The following NRG4 variants were observed in gnomAD, a reference collection of about 807,000 sequenced individuals.
The protein encoded by NRG4 is pro-neuregulin-4, membrane-bound isoform.
NRG4 carries 10 observed loss-of-function variants against 15.0 expected under a neutral mutation model. The ratio of observed to expected loss-of-function variants is 0.67; its 90% CI spans 0.41 to 1.13. NRG4 has a LOEUF of 1.13. Ranked by LOEUF, NRG4 falls within the 50% of genes most tolerant of loss-of-function variation. The pLI is 0.00. For missense variants in NRG4, 139 were observed against 140.2 expected (o/e 0.99, Z 0.04); for synonymous variants, 41 against 50.1 (o/e 0.82, Z 0.77).
rs1016165638 is a variant in NRG4 at position 75,984,110 on chromosome 15, T to C, written c.105-22136A>G. On this transcript the variant is annotated intron_variant, in intron 3 of 5. Coordinates refer to ENST00000394907, the MANE Select transcript of NRG4 (RefSeq NM_138573.4). Reference sequence around the variant, plus strand: ...AGCGAAAATACCTGGTATGATAGTATAATGGTGGATACATGTCATTACATT... The same window carrying C: ...AGCGAAAATACCTGGTATGATAGTACAATGGTGGATACATGTCATTACATT... 2.0e-5 allele frequency among the ~76,000 whole-genome samples: 3 copies of C among 152,186 alleles called. 1 individual carries two copies. The highest frequency in any genetic ancestry group is 2.0e-4 in the Admixed American group (3 of 15,280).
At chr15:75,993,443 T>TGTGTGGC (rs1045427902) in intron 3 of NRG4, among the ~76,000 whole-genome samples, 1 of 145,356 alleles carries the variant, frequency 6.9e-6, no homozygotes, top group African/African-American at 2.6e-5. Context: ...ACGAATTACA[T>TGTGTGGC]GTGTGGCTCA....
At chr15:76,057,571 A>C (rs2036182179) in intron 1 of NRG4, among the ~76,000 whole-genome samples, 1 of 152,144 alleles carries the variant, frequency 6.6e-6, no homozygotes, top group Non-Finnish European at 1.5e-5. Context: ...ACCCTAAAAA[A>C]TTTATCGAAG....
intron 3 of NRG4, among the ~76,000 whole-genome samples, chr15:75,967,393 GATC>G (rs1328736361): frequency 2.0e-5 from 3 of 150,434 alleles, no homozygotes; most frequent in Non-Finnish European, 2.9e-5. Context: ...ATTAAAAACT[GATC>G]ATTATTAGTA....
At chr15:76,023,291 G>A (rs534088666) in intron 5 of NRG4, among the ~76,000 whole-genome samples, 1 of 91,906 alleles carries the variant, frequency 1.1e-5, no homozygotes, top group Non-Finnish European at 3.1e-5. Flanking sequence ...GTGATTGGAA[G>A]CCCAGAAGGT....
chr15:76,050,402 C>G lies in NRG4; in HGVS notation c.-105+1665G>C, dbSNP rs538717622. Among the ~76,000 whole-genome samples the G allele has an allele frequency of 8.7e-4, 126 of 144,832 alleles. 1 individual carries two copies. The highest frequency in any genetic ancestry group is 1.1e-3 in the Non-Finnish European group (75 of 66,790). On this transcript the variant is annotated intron_variant, in intron 4 of 8. Coordinates refer to the NRG4 transcript ENST00000563910. ...CATCCTCAGTATGACAGCATCTCAT[C>G]TACTGGAAAAGCATTATTGTCACCC... is the stretch of plus-strand genomic sequence containing the variant.
chr15:76,007,885 C>T (rs2034665325), intron 3 of NRG4, among the ~76,000 whole-genome samples: 2 of 152,106 alleles, frequency 1.3e-5, no homozygotes, highest in Non-Finnish European at 2.9e-5. Flanking sequence ...AGCTATATGA[C>T]CTTTGGCATG....
chr15:76,038,413 A>C (rs1243065696), intron 4 of NRG4, among the ~76,000 whole-genome samples: 2 of 152,186 alleles, frequency 1.3e-5, no homozygotes, highest in African/African-American at 4.8e-5. Context: ...GCTTGGTAGC[A>C]TTCACCACAA....
intron 3 of NRG4, among the ~76,000 whole-genome samples, chr15:76,001,774 G>A (rs967184309): frequency 3.3e-5 from 5 of 152,286 alleles, no homozygotes; most frequent in Middle Eastern, 3.4e-3. Flanking sequence ...AGAAATGAGA[G>A]AAATATACAT....
At chr15:75,954,506 T>G (rs2032110596) in intron 5 of NRG4, among the ~76,000 whole-genome samples, 1 of 151,290 alleles carries the variant, frequency 6.6e-6, no homozygotes. Context: ...CTTGGCTCAA[T>G]GCAACCTCCG....
intron 4 of NRG4, among the ~76,000 whole-genome samples, chr15:76,047,917 A>C (rs1381159221): frequency 6.6e-6 from 1 of 151,008 alleles, no homozygotes; most frequent in African/African-American, 2.5e-5. Flanking sequence ...GCTACTTGGG[A>C]GGCTGAGGTG....
At chr15:75,979,097 C>G (rs2141847914) in intron 3 of NRG4, among the ~76,000 whole-genome samples, 1 of 152,184 alleles carries the variant, frequency 6.6e-6, no homozygotes, top group Non-Finnish European at 1.5e-5. Context: ...TTGGCTGTTC[C>G]TTTGCTGAGC....
upstream of NRG4, among the ~76,000 whole-genome samples, chr15:76,013,533 T>A (rs146251296): frequency 0.013 from 2,019 of 152,210 alleles, 19 homozygotes; most frequent in Non-Finnish European, 0.023. Context: ...TGTGTGATGT[T>A]CTCCTCCCTG....
rs141238545 is a variant in NRG4 at position 76,002,775 on chromosome 15, C to G, written c.104+6425G>C. Among the ~76,000 whole-genome samples the G allele has an allele frequency of 2.7e-3, 406 of 152,126 alleles. 3 individuals carry two copies. Among genetic ancestry groups the G allele is most frequent in the Non-Finnish European group, 3.6e-3 (243 of 67,936 alleles). On this transcript the variant is annotated intron_variant, in intron 3 of 5. Transcript: ENST00000394907. ...GATAAAAGGGTCAATTAAACAAGAG[C>G]ACATCAGAAGTCTAAACTTATGTAC... is the stretch of plus-strand genomic sequence containing the variant.
intron 3 of NRG4, among the ~76,000 whole-genome samples, chr15:75,971,598 A>G (rs543201807): frequency 6.6e-6 from 1 of 152,282 alleles, no homozygotes; most frequent in South Asian, 2.1e-4. Flanking sequence ...AGAGGATATT[A>G]TTACAGTATA....
intron 3 of NRG4, among the ~76,000 whole-genome samples, chr15:75,996,605 G>A (rs77761661): frequency 0.01 from 1,591 of 152,126 alleles, 35 homozygotes; most frequent in African/African-American, 0.036. Context: ...TCACAAAATT[G>A]GAAAAAGTGC....
At chr15:75,969,599 G>C (rs1192215840) in intron 3 of NRG4, among the ~76,000 whole-genome samples, 1 of 152,202 alleles carries the variant, frequency 6.6e-6, no homozygotes, top group Middle Eastern at 3.2e-3. Flanking sequence ...GTAGACCTAA[G>C]AGAGCAGGTA....
rs112052734 is a variant in NRG4, at chr15:75,994,733, A to G, written c.104+14467T>C. Among the ~76,000 whole-genome samples the G allele has an allele frequency of 9.9e-3, 1,502 of 152,364 alleles. 27 individuals carry two copies. The highest frequency in any genetic ancestry group is 0.033 in the African/African-American group (1,388 of 41,580). On this transcript the variant is annotated intron_variant, in intron 3 of 5. Coordinates refer to ENST00000394907, the MANE Select transcript of NRG4 (RefSeq NM_138573.4). The stretch of plus-strand genomic sequence containing the variant: ...TAAGACTGAAGTACAAGAATGGTAT[A>G]TTAGCCACAAGGATCATATTTCTGA...
At chr15:75,959,760 A>C (rs1415997734) in intron 4 of NRG4, among the ~76,000 whole-genome samples, 1 of 152,188 alleles carries the variant, frequency 6.6e-6, no homozygotes, top group Non-Finnish European at 1.5e-5. Flanking sequence ...TTGGGAATAC[A>C]GACATGAGCT....
rs943210817 is a variant in NRG4 at position 75,958,864 on chromosome 15, G to A, written c.252-2853C>T. Among the ~76,000 whole-genome samples, 14 of 152,254 alleles carry A rather than the reference G, an allele frequency of 9.2e-5. No individual in the cohort carries two copies. In the South Asian group the frequency reaches 1.2e-3, roughly 14 times the overall value. ...CTCCTTTCTGAAACTTTGCTGCTCTGGGGCATTGAACACCTGTGGGGTACA... is the reference window on the plus strand; with the variant it reads ...CTCCTTTCTGAAACTTTGCTGCTCTAGGGCATTGAACACCTGTGGGGTACA... On this transcript the variant is annotated intron_variant, in intron 4 of 5. Coordinates refer to ENST00000394907, the MANE Select transcript of NRG4 (RefSeq NM_138573.4).
Sources: allele counts gnomAD v4.1 joint callset (sites outside exome capture counted in the v4.1 genomes callset), GRCh38; gene constraint gnomAD v4.1.1; transcripts MANE v1.5; gene names NCBI Gene and HGNC (gene_info 2026-07-23, HGNC 2026-07-21).